The following CTNNA3 variants were observed in gnomAD, a reference collection of about 807,000 sequenced individuals.
CTNNA3 encodes the protein catenin alpha-3.
A neutral mutation model predicts 95.7 loss-of-function variants in CTNNA3; 76 were observed. The observed-to-expected ratio is 0.79, with a 90% confidence interval of 0.66 to 0.96. The LOEUF is 0.96. Ranked by LOEUF, CTNNA3 falls within the 40% of genes least tolerant of loss-of-function variation. CTNNA3 has a pLI of 0.00. For synonymous variants in CTNNA3, 431 were observed against 374.4 expected, an observed-to-expected ratio of 1.15 and a Z score of -1.74; for missense variants, 1,191 against 1,089.8, an observed-to-expected ratio of 1.09 and a Z score of -1.31.
intron 10 of CTNNA3, among the ~76,000 whole-genome samples, chr10:66,526,522 T>C (rs1285900442): frequency 1.3e-5 from 2 of 152,154 alleles, no homozygotes; most frequent in Admixed American, 6.5e-5. Flanking sequence ...AATGGCCACA[T>C]TGTTTTCCAC....
chr10:67,106,797 C>T (rs1858660218), intron 7 of CTNNA3, among the ~76,000 whole-genome samples: 1 of 152,112 alleles, frequency 6.6e-6, no homozygotes, highest in Non-Finnish European at 1.5e-5. Context: ...TCACTGAAGA[C>T]ATTTTTTCAA....
chr10:66,570,394 T>C (rs1160354300), intron 10 of CTNNA3, among the ~76,000 whole-genome samples: 1 of 152,108 alleles, frequency 6.6e-6, no homozygotes, highest in East Asian at 1.9e-4. Flanking sequence ...GTTCAAGCGA[T>C]TCTCCTACTT....
chr10:66,470,675 T>A (rs1839095346), intron 11 of CTNNA3, among the ~76,000 whole-genome samples: 1 of 151,598 alleles, frequency 6.6e-6, no homozygotes, highest in South Asian at 2.1e-4. Context: ...AAGAGACAGA[T>A]AAGTAGGTAG....
At chr10:67,219,422 A>T (rs928382189) in intron 6 of CTNNA3, among the ~76,000 whole-genome samples, 185 bp downstream of exon 6, 5 of 152,208 alleles carry the variant, frequency 3.3e-5, no homozygotes, top group African/African-American at 1.2e-4. Flanking sequence ...CAGGAGTCAG[A>T]AGTTTACTAA....
At chr10:66,937,553 C>T (rs748991685) in intron 7 of CTNNA3, among the ~76,000 whole-genome samples, 2 of 151,982 alleles carry the variant, frequency 1.3e-5, no homozygotes, top group Admixed American at 6.6e-5. Flanking sequence ...GTGGACTTTC[C>T]GGAAATAGAA....
chr10:66,255,774 C>T (rs1316791156), intron 13 of CTNNA3, among the ~76,000 whole-genome samples: 6 of 152,294 alleles, frequency 3.9e-5, no homozygotes, highest in African/African-American at 1.2e-4. Flanking sequence ...GGGAAAAATT[C>T]GAATTCATGC....
In CTNNA3 at chr10:66,913,257, A is replaced by G. The variant is rs1044474492; in HGVS notation, c.1048-137733T>C. On this transcript the variant is annotated intron_variant, in intron 7 of 17. Transcript: ENST00000433211. The stretch of plus-strand genomic sequence containing the variant: ...CCGTCTCAAAAAAAAAAAAAAAAAA[A>G]AAAAAAAAGAAAAAGAAAAAAGAAA... Among the ~76,000 whole-genome samples, 31 of 149,084 alleles carry G rather than the reference A, an allele frequency of 2.1e-4. 4 individuals are homozygous for G. In the South Asian group the frequency reaches 6.1e-3, roughly 29 times the overall value.
chr10:67,408,591 T>C (rs1845237124), intron 5 of CTNNA3, among the ~76,000 whole-genome samples: 1 of 152,100 alleles, frequency 6.6e-6, no homozygotes, highest in African/African-American at 2.4e-5. Flanking sequence ...CAACTCAAGA[T>C]GAATTAAAGA....
In CTNNA3 at chr10:67,497,390, CAT is replaced by C. The variant is rs374328028; in HGVS notation, c.579+24450_579+24451del. Among the ~76,000 whole-genome samples, 328 of 152,278 alleles carry C rather than the reference CAT, an allele frequency of 2.2e-3. 2 individuals are homozygous for C. The highest frequency in any genetic ancestry group is 7.5e-3 in the African/African-American group (313 of 41,550). On this transcript the variant is annotated intron_variant, in intron 5 of 17. Transcript: ENST00000433211. ...CTATTGTGAACAGTGCTCCCATAAA[CAT>C]ATGTGTGCATGTGTCTTTATAGTAG... is the stretch of plus-strand genomic sequence containing the variant.
chr10:66,024,085 A>ATTTTTTTTTTTTTTTTTTTTTTTTTT (rs71474007), intron 15 of CTNNA3, among the ~76,000 whole-genome samples: 8 of 87,748 alleles, frequency 9.1e-5, no homozygotes, highest in Non-Finnish European at 1.5e-4. Flanking sequence ...TACCATACAC[A>ATTTTTTTTTTTTTTTTTTTTTTTTTT]TTTTTTTTTT....
intron 7 of CTNNA3, among the ~76,000 whole-genome samples, chr10:66,984,815 A>G (rs1379187319): frequency 6.6e-6 from 1 of 152,180 alleles, no homozygotes; most frequent in Non-Finnish European, 1.5e-5. Context: ...CACAAAACTC[A>G]CAAATAAACA....
intron 5 of CTNNA3, among the ~76,000 whole-genome samples, chr10:67,375,537 C>T (rs544503050): frequency 7.9e-5 from 12 of 151,922 alleles, no homozygotes; most frequent in South Asian, 6.2e-4. Flanking sequence ...CGCTTCAACT[C>T]GGGAGGCAGA....
At chr10:66,345,968 T>C (rs1042765214) in intron 12 of CTNNA3, among the ~76,000 whole-genome samples, 4 of 144,808 alleles carry the variant, frequency 2.8e-5, no homozygotes, top group Admixed American at 1.4e-4. Flanking sequence ...TCCCAGCTAC[T>C]GGGGAGGCCG....
intron 11 of CTNNA3, among the ~76,000 whole-genome samples, chr10:66,460,967 A>G (rs1464370811): frequency 6.6e-6 from 1 of 152,104 alleles, no homozygotes; most frequent in Non-Finnish European, 1.5e-5. Context: ...AGTTTTTCTC[A>G]GTCTTTTAGG....
chr10:66,565,398 T>C (rs1363456879), intron 10 of CTNNA3, among the ~76,000 whole-genome samples: 1 of 152,126 alleles, frequency 6.6e-6, no homozygotes, highest in Non-Finnish European at 1.5e-5. Flanking sequence ...ATGTGGGAAC[T>C]GAGAGATGAG....
At position 66,421,797 on chromosome 10, in the gene CTNNA3, T is replaced by C. The variant is rs576792508; in HGVS notation, c.1532-42445A>G. Among the ~76,000 whole-genome samples the C allele has an allele frequency of 5.3e-3, 740 of 138,324 alleles. 5 individuals are homozygous for C. Among genetic ancestry groups the C allele is most frequent in the Non-Finnish European group, 8.3e-3 (548 of 65,782 alleles). The allele number at this position is 138,324 out of a possible 152,430, so 90.7% of individuals were successfully genotyped here. On this transcript the variant is annotated intron_variant, in intron 11 of 17. Transcript: ENST00000433211. Reference sequence around the variant, plus strand: ...TTGCAGTGAGCCGAGACTGTGCCACTGCACTCCAGCCTGGATGGCAGAGCA... The same window carrying C: ...TTGCAGTGAGCCGAGACTGTGCCACCGCACTCCAGCCTGGATGGCAGAGCA...
chr10:66,550,832 TC>T (rs2132106889), intron 10 of CTNNA3, among the ~76,000 whole-genome samples: 1 of 152,224 alleles, frequency 6.6e-6, no homozygotes, highest in South Asian at 2.1e-4. Flanking sequence ...TTCAGTTTGT[TC>T]TAGAGATTAC....
At chr10:66,228,530 C>A (rs1287727258) in intron 13 of CTNNA3, among the ~76,000 whole-genome samples, 1 of 151,886 alleles carries the variant, frequency 6.6e-6, no homozygotes, top group East Asian at 1.9e-4. Flanking sequence ...TTAAAAATAC[C>A]TCACATGACT....
intron 15 of CTNNA3, among the ~76,000 whole-genome samples, chr10:66,033,193 C>T (rs1470504348): frequency 6.8e-6 from 1 of 147,128 alleles, no homozygotes; most frequent in Non-Finnish European, 1.5e-5. Flanking sequence ...TGCAGTGGCG[C>T]TATCTCGGCT....
Sources: allele counts gnomAD v4.1 joint callset (sites outside exome capture counted in the v4.1 genomes callset), GRCh38; gene constraint gnomAD v4.1.1; transcripts MANE v1.5; gene names NCBI Gene and HGNC (gene_info 2026-07-23, HGNC 2026-07-21).